Variants in CENPO observed in about 807,000 individuals in gnomAD.
CENPO encodes the protein centromere protein O, also known as centromeric protein O.
A neutral mutation model predicts 36.1 loss-of-function variants in CENPO; 30 were observed. That is an observed-to-expected ratio of 0.83 (90% CI 0.62 to 1.13). The LOEUF (loss-of-function observed/expected upper bound fraction) is 1.13. Ranked by LOEUF, CENPO falls within the 50% of genes most tolerant of loss-of-function variation. The pLI is 0.00. For synonymous variants in CENPO, 171 were observed against 142.3 expected (o/e 1.20, Z -1.44); for missense variants, 349 against 357.8 (o/e 0.98, Z 0.20).
intron 3 of CENPO, among the ~76,000 whole-genome samples, chr2:24,812,687 T>C (rs1041654234): frequency 1.3e-5 from 2 of 152,132 alleles, no homozygotes; most frequent in Non-Finnish European, 2.9e-5. Flanking sequence ...CTATTAAAAT[T>C]CTAATTTGAG....
chr2:24,802,702 T>C (rs1441264274), intron 3 of CENPO, among the ~76,000 whole-genome samples: 5 of 152,152 alleles, frequency 3.3e-5, no homozygotes, highest in Non-Finnish European at 7.3e-5. Flanking sequence ...TGGATAAGCT[T>C]TTTGATGTGC....
rs1032084392 is a variant in CENPO at position 24,820,986 on chromosome 2, C to G, written c.*1668C>G. 2.4e-6 allele frequency: 3 copies of G among 1,272,370 alleles called. No homozygotes were observed. Among genetic ancestry groups the G allele is most frequent in the Non-Finnish European group, 3.2e-6 (3 of 924,420 alleles). The allele number at this position is 1,272,370 out of a possible 1,614,324, so 78.8% of individuals were successfully genotyped here. A position where few individuals can be genotyped will look rare whatever the true frequency, so the allele number is the denominator to read the frequency against. Reference sequence around the variant, plus strand: ...TGTCCTCATTCAACTTGGCTGTATGCTATTGGAGGGTGGAAATCACATCTC... The same window carrying G: ...TGTCCTCATTCAACTTGGCTGTATGGTATTGGAGGGTGGAAATCACATCTC... On this transcript the variant is annotated 3_prime_UTR_variant, in exon 8 of 8. Transcript: ENST00000380834.
chr2:24,812,535 GTGTTTT>G (rs1189480208), intron 3 of CENPO, among the ~76,000 whole-genome samples: 1 of 151,916 alleles, frequency 6.6e-6, no homozygotes, highest in Non-Finnish European at 1.5e-5. Flanking sequence ...CCATGTATGG[GTGTTTT>G]TGTTTTTGTT....
intron 3 of CENPO, among the ~76,000 whole-genome samples, chr2:24,800,277 T>C (rs909682469): frequency 1.3e-5 from 2 of 152,196 alleles, no homozygotes; most frequent in Admixed American, 1.3e-4. Context: ...AGACTCCGTC[T>C]CAAAAAAACA....
Position 24,793,469 on chromosome 2 carries a change from C to T in CENPO, c.-101C>T, listed in dbSNP as rs761768702. 4 of 1,603,734 alleles carry T rather than the reference C, an allele frequency of 2.5e-6. No homozygotes were observed. The highest frequency in any genetic ancestry group is 2.2e-5 in the South Asian group (2 of 89,900). On this transcript the variant is annotated 5_prime_UTR_variant, in exon 1 of 8. The change creates a new upstream start codon in the 5' untranslated region. Coordinates refer to ENST00000380834, the MANE Select transcript of CENPO (RefSeq NM_001322101.2). ...GGACCGGTTGGTTTGGTTTTGAAGA[C>T]GTGGATGGCGGGAATTCTCGCTTCT...
intron 3 of CENPO, 72 bp from the exon 4 acceptor site, chr2:24,814,304 C>T (rs984627224): frequency 1.3e-5 from 10 of 789,456 alleles, no homozygotes; most frequent in Admixed American, 1.1e-4. Flanking sequence ...TAGCTTTCAT[C>T]CAGTTGGGGG....
intron 2 of CENPO, 50 bp from the exon 3 acceptor site, chr2:24,799,625 C>G (rs1381228661): frequency 6.8e-7 from 1 of 1,461,100 alleles, no homozygotes; most frequent in South Asian, 1.3e-5. Flanking sequence ...CCTGTTGCCA[C>G]AGTGAGAAAT....
chr2:24,808,052 T>C (rs1185507962), intron 3 of CENPO, among the ~76,000 whole-genome samples: 4 of 152,234 alleles, frequency 2.6e-5, no homozygotes, highest in African/African-American at 7.2e-5. Flanking sequence ...TTCCTTAGAC[T>C]GTGGCTTGTA....
chr2:24,810,301 C>T (rs1054247588), intron 3 of CENPO, among the ~76,000 whole-genome samples: 6 of 151,300 alleles, frequency 4.0e-5, no homozygotes, highest in Non-Finnish European at 5.9e-5. Context: ...TGATATTGGC[C>T]GGGTGTGGTG....
chr2:24,822,363 ATTTC>A lies in CENPO; in HGVS notation c.*3048_*3051del. 8.7e-7 allele frequency: 1 copy of A among 1,150,020 alleles called. No individual in the cohort carries two copies. The highest frequency in any genetic ancestry group is 1.2e-6 in the Non-Finnish European group (1 of 812,154). 71.2% of individuals were successfully genotyped at this position (1,150,020 alleles called of 1,614,324 possible). ...TTGCCGAACTTTCTCAATAAACCCT[ATTTC>A]TTATTTATATTTACGTGGTGCTGGT... On this transcript the variant is annotated 3_prime_UTR_variant, in exon 8 of 8. Transcript: ENST00000380834.
In CENPO at chr2:24,820,657, A is replaced by G; in HGVS notation, c.*1339A>G. 1 of 1,599,650 alleles carries G rather than the reference A, an allele frequency of 6.3e-7. No homozygotes were observed. The highest frequency in any genetic ancestry group is 1.7e-5 in the Admixed American group (1 of 59,356). On this transcript the variant is annotated 3_prime_UTR_variant, in exon 8 of 8. Coordinates refer to ENST00000380834, the MANE Select transcript of CENPO (RefSeq NM_001322101.2). ...AGGGTGGGAGGCAGGGGCACGTGGG[A>G]AAGCACTGTTCCGGTTTTGTTCTCA...
rs767329377 is a variant in CENPO at position 24,793,958 on chromosome 2, C to CA, written c.42dup (p.Gly15ArgfsTer19). 4.3e-6 allele frequency: 7 copies of CA among 1,612,928 alleles called. No individual in the cohort carries two copies. In the African/African-American group the frequency reaches 9.4e-5, roughly 22 times the overall value. On this transcript the variant is annotated frameshift_variant, in exon 2 of 8. Coordinates refer to ENST00000380834, the MANE Select transcript of CENPO (RefSeq NM_001322101.2). LOFTEE classifies it high-confidence loss of function. Reference sequence around the variant, plus strand: ...ACCCTTTACGTCCAGATGGCGAGTCCAAAGGAGGTATTCAGAGGGTCGCCG... The same window carrying CA: ...ACCCTTTACGTCCAGATGGCGAGTCCAAAAGGAGGTATTCAGAGGGTCGCCG...
intron 6 of CENPO, 81 bp downstream of exon 6, chr2:24,816,898 A>G (rs565286376): frequency 1.5e-6 from 2 of 1,336,688 alleles, no homozygotes; most frequent in African/African-American, 1.5e-5. Flanking sequence ...GAATCCATGA[A>G]GTAGACCTCT....
chr2:24,798,726 C>T (rs1666025772), intron 2 of CENPO, among the ~76,000 whole-genome samples: 1 of 152,052 alleles, frequency 6.6e-6, no homozygotes, highest in Admixed American at 6.6e-5. Context: ...TCCCAAAGTG[C>T]TGGGATTACA....
At chr2:24,809,608 T>G (rs973787725) in intron 3 of CENPO, among the ~76,000 whole-genome samples, 1 of 152,182 alleles carries the variant, frequency 6.6e-6, no homozygotes, top group African/African-American at 2.4e-5. Flanking sequence ...ATATTTTCAT[T>G]ATCATTTCAA....
chr2:24,817,636 C>T (rs996757761), intron 6 of CENPO, 34 bp from the exon 7 acceptor site: 3 of 1,613,792 alleles, frequency 1.9e-6, no homozygotes, highest in African/African-American at 2.7e-5. Flanking sequence ...CCCCCAGCTG[C>T]ACTGAATGAG....
In CENPO at chr2:24,814,454, GA is replaced by G; in HGVS notation, c.299del (p.Asn100MetfsTer2). The G allele has an allele frequency of 6.2e-7, 1 of 1,600,142 alleles. No homozygotes were observed. The highest frequency in any genetic ancestry group is 8.6e-7 in the Non-Finnish European group (1 of 1,167,264). On this transcript the variant is annotated frameshift_variant, in exon 4 of 8. Coordinates refer to ENST00000380834, the MANE Select transcript of CENPO (RefSeq NM_001322101.2). LOFTEE classifies it high-confidence loss of function. The stretch of plus-strand genomic sequence containing the variant: ...GCAAGAAGCATTGGAAGAGAAATTG[GA>G]AAATGTGAAAGCCATTCTGCAGGCA... ...NEQEALEEKL[E>X]NVKAILQAYH...
intron 5 of CENPO, chr2:24,816,436 C>T (rs1462273272): frequency 1.8e-6 from 1 of 545,482 alleles, no homozygotes; most frequent in Non-Finnish European, 3.2e-6. Flanking sequence ...CCATTTAGGC[C>T]TATAGGCCTT....
intron 3 of CENPO, among the ~76,000 whole-genome samples, chr2:24,810,058 A>C (rs955480973): frequency 6.6e-6 from 1 of 151,894 alleles, no homozygotes; most frequent in African/African-American, 2.4e-5. Flanking sequence ...AAAAAAAAAA[A>C]AAAACTTACA....
Sources: allele counts gnomAD v4.1 joint callset (sites outside exome capture counted in the v4.1 genomes callset), GRCh38; gene constraint gnomAD v4.1.1; transcripts MANE v1.5; gene names NCBI Gene and HGNC (gene_info 2026-07-23, HGNC 2026-07-21).